Variants in KCNAB1 observed in about 807,000 individuals in gnomAD.
The protein encoded by KCNAB1 is voltage-gated potassium channel subunit beta-1.
In KCNAB1, 35 loss-of-function variants were observed where a neutral mutation model predicts 64.6. The ratio of observed to expected loss-of-function variants is 0.54; its 90% confidence interval spans 0.41 to 0.72. The LOEUF (loss-of-function observed/expected upper bound fraction) is 0.72. Among genes scored for constraint, KCNAB1 ranks in the 30% least tolerant of loss-of-function variants. KCNAB1 has a pLI of 0.00. For synonymous variants in KCNAB1, 177 were observed against 183.8 expected, an observed-to-expected ratio of 0.96 and a Z score of 0.30; for missense variants, 401 against 512.9, an observed-to-expected ratio of 0.78 and a Z score of 2.11.
chr3:156,428,675 A>G lies in KCNAB1; in HGVS notation c.319+7016A>G, dbSNP rs556462067. ...GTAGGAAGATATGGAAAACCTAAGT[A>G]AGGAGTAATGTGGTCACTTGCTCAT... On this transcript the variant is annotated intron_variant, in intron 2 of 13. Coordinates refer to ENST00000490337, the MANE Select transcript of KCNAB1 (RefSeq NM_172160.3). Among the ~76,000 whole-genome samples, 73 of 152,166 alleles carry G rather than the reference A, an allele frequency of 4.8e-4. 1 individual carries two copies. Among genetic ancestry groups the G allele is most frequent in the Non-Finnish European group, 7.6e-4 (52 of 68,032 alleles).
At chr3:156,339,105 G>T (rs1404478181) in intron 1 of KCNAB1, among the ~76,000 whole-genome samples, 1 of 152,086 alleles carries the variant, frequency 6.6e-6, no homozygotes, top group Admixed American at 6.6e-5. Flanking sequence ...TCAGGGGTCG[G>T]GGTATGAATG....
At chr3:156,365,358 T>C (rs1252267725) in intron 1 of KCNAB1, among the ~76,000 whole-genome samples, 1 of 152,192 alleles carries the variant, frequency 6.6e-6, no homozygotes, top group Non-Finnish European at 1.5e-5. Flanking sequence ...TAGTGTTAAT[T>C]TCTATTTTCT....
chr3:156,503,049 T>C (rs762102934), intron 8 of KCNAB1, among the ~76,000 whole-genome samples: 2 of 152,250 alleles, frequency 1.3e-5, no homozygotes, highest in Non-Finnish European at 2.9e-5. Flanking sequence ...AATAGCATTG[T>C]ACTCTATACT....
chr3:156,454,952 A>C lies in KCNAB1; in HGVS notation c.357+2016A>C, dbSNP rs1041396991. Among the ~76,000 whole-genome samples, 3 of 152,292 alleles carry C rather than the reference A, an allele frequency of 2.0e-5. No homozygotes were observed. In the East Asian group the frequency reaches 5.8e-4, roughly 29 times the overall value. On this transcript the variant is annotated intron_variant, in intron 3 of 13. Transcript: ENST00000490337. Reference sequence around the variant, plus strand: ...CTGAGATGAATAATTTCAAAATTTCAAGTCTAAAAACTACGATAAAGCTGT... The same window carrying C: ...CTGAGATGAATAATTTCAAAATTTCCAGTCTAAAAACTACGATAAAGCTGT...
At chr3:156,166,903 G>A (rs1711605719) in intron 1 of KCNAB1, among the ~76,000 whole-genome samples, 1 of 152,174 alleles carries the variant, frequency 6.6e-6, no homozygotes. Flanking sequence ...GTAGGAACCG[G>A]TTGATGTTTA....
At chr3:156,237,344 CA>C (rs1360060148) in intron 1 of KCNAB1, among the ~76,000 whole-genome samples, 2 of 151,956 alleles carry the variant, frequency 1.3e-5, no homozygotes, top group Non-Finnish European at 2.9e-5. Context: ...AGAAAGTAAA[CA>C]GGGTTTTTCA....
chr3:156,474,985 C>T (rs1182631651), intron 8 of KCNAB1, among the ~76,000 whole-genome samples, 165 bp downstream of exon 8: 1 of 152,128 alleles, frequency 6.6e-6, no homozygotes, highest in Non-Finnish European at 1.5e-5. Flanking sequence ...AACCCCAAAA[C>T]CAATGCTCTG....
intron 1 of KCNAB1, among the ~76,000 whole-genome samples, chr3:156,406,751 G>A (rs1249379661): frequency 1.3e-5 from 2 of 152,132 alleles, no homozygotes; most frequent in African/African-American, 4.8e-5. Context: ...GAGAACTGGA[G>A]GTACTTGGGA....
At position 156,284,226 on chromosome 3, in the gene KCNAB1, G is replaced by A. The variant is rs1246083723; in HGVS notation, c.276-137390G>A. 1.8e-3 allele frequency among the ~76,000 whole-genome samples: 281 copies of A among 151,984 alleles called. 2 individuals carry two copies. Among genetic ancestry groups the A allele is most frequent in the African/African-American group, 5.9e-3 (245 of 41,478 alleles). ...TGCAGGTCTGTTGGAGTACCCTGCC[G>A]TGTGAGGTGTCAGTGTGCCCCTGCT... is the stretch of plus-strand genomic sequence containing the variant. On this transcript the variant is annotated intron_variant, in intron 1 of 13. Transcript: ENST00000490337.
intron 1 of KCNAB1, among the ~76,000 whole-genome samples, chr3:156,143,583 T>TGG (rs1306481054): frequency 0.56 from 79,145 of 141,184 alleles, 24,281 homozygotes; most frequent in Admixed American, 0.73. Context: ...TTTTTTTTTT[T>TGG]TTTTTTTTTT....
At chr3:156,511,399 C>G (rs1377464220) in intron 8 of KCNAB1, among the ~76,000 whole-genome samples, 4 of 152,198 alleles carry the variant, frequency 2.6e-5, no homozygotes, top group Middle Eastern at 3.4e-3. Flanking sequence ...CACCGTGCCC[C>G]GCCCGTCATC....
chr3:156,263,781 A>G (rs781498383), intron 1 of KCNAB1, among the ~76,000 whole-genome samples: 7 of 152,148 alleles, frequency 4.6e-5, no homozygotes, highest in Non-Finnish European at 5.9e-5. Flanking sequence ...AATGTAAATG[A>G]TATGTAAATA....
intron 1 of KCNAB1, chr3:156,143,113 C>G: frequency 6.7e-7 from 1 of 1,493,376 alleles, no homozygotes; most frequent in Non-Finnish European, 8.9e-7. Flanking sequence ...GTATTCACAG[C>G]AAGATACAGT....
intron 1 of KCNAB1, among the ~76,000 whole-genome samples, chr3:156,148,281 G>T (rs990203655): frequency 2.0e-4 from 31 of 152,162 alleles, no homozygotes; most frequent in Admixed American, 2.0e-3. Flanking sequence ...AGTTATTTGT[G>T]TGTGTGTGTA....
chr3:156,267,050 A>G (rs1398128249), intron 1 of KCNAB1, among the ~76,000 whole-genome samples: 2 of 152,210 alleles, frequency 1.3e-5, no homozygotes, highest in African/African-American at 2.4e-5. Flanking sequence ...ATACAATACT[A>G]ACAAAATAAA....
intron 1 of KCNAB1, 149 bp from the exon 2 acceptor site, chr3:156,421,467 C>A: frequency 1.4e-6 from 1 of 694,806 alleles, no homozygotes; most frequent in Non-Finnish European, 2.4e-6. Context: ...CAAGGGAGAC[C>A]TGTCTCAAGA....
rs530199912 is a variant in KCNAB1 at position 156,356,176 on chromosome 3, A to G, written c.276-65440A>G. ...AAAGAGAGAGAAAGCAAGCAAGAAA[A>G]AAAGAAAAAGAAAGAAAGAAAGAAA... On this transcript the variant is annotated intron_variant, in intron 1 of 13. Coordinates refer to ENST00000490337, the MANE Select transcript of KCNAB1 (RefSeq NM_172160.3). Among the ~76,000 whole-genome samples, 158 of 146,280 alleles carry G rather than the reference A, an allele frequency of 1.1e-3. 1 individual carries two copies. The highest frequency in any genetic ancestry group is 4.2e-3 in the African/African-American group (151 of 36,254).
chr3:156,431,201 C>T (rs548427602), intron 2 of KCNAB1, among the ~76,000 whole-genome samples: 94 of 152,310 alleles, frequency 6.2e-4, no homozygotes, highest in African/African-American at 2.2e-3. Flanking sequence ...AGTTCCTGTA[C>T]TCTAAGCAGC....
At chr3:156,217,778 C>T (rs572025991) in intron 1 of KCNAB1, among the ~76,000 whole-genome samples, 52 of 152,280 alleles carry the variant, frequency 3.4e-4, no homozygotes, top group African/African-American at 1.1e-3. Flanking sequence ...GTCATAATGT[C>T]CCATTTACAA....
Sources: gnomAD v4.1 joint callset for allele counts (sites outside exome capture counted in the v4.1 genomes callset) on GRCh38, gnomAD v4.1.1 for gene constraint, MANE v1.5 for transcripts, NCBI Gene and HGNC (gene_info 2026-07-23, HGNC 2026-07-21) for gene names.